The following RMDN2 variants were observed in gnomAD, a reference collection of about 807,000 sequenced individuals.
RMDN2 encodes the protein regulator of microtubule dynamics protein 2.
RMDN2 carries 61 observed loss-of-function variants against 52.8 expected under a neutral mutation model. The observed-to-expected ratio is 1.16, with a 90% CI of 0.94 to 1.43. The LOEUF is 1.43. RMDN2 is among the 40% of genes most tolerant of loss of function. The pLI, the probability that RMDN2 is intolerant of heterozygous loss-of-function variation, is 0.00. For missense variants in RMDN2, 592 were observed against 475.3 expected (o/e 1.25, Z -2.28); for synonymous variants, 180 against 153.1 (o/e 1.18, Z -1.30).
intron 10 of RMDN2, among the ~76,000 whole-genome samples, chr2:38,050,038 A>G (rs1681493378): frequency 6.6e-6 from 1 of 152,118 alleles, no homozygotes; most frequent in African/African-American, 2.4e-5. Context: ...TGAATTTGGG[A>G]CCTTATTTAT....
intron 2 of RMDN2, among the ~76,000 whole-genome samples, chr2:37,933,727 A>G (rs920565944): frequency 1.4e-4 from 21 of 152,198 alleles, no homozygotes; most frequent in African/African-American, 4.8e-4. Context: ...CAGCAGTACC[A>G]TCCAGCTTCG....
intron 10 of RMDN2, chr2:38,066,809 T>C: frequency 1.7e-6 from 1 of 594,028 alleles, no homozygotes; most frequent in Non-Finnish European, 3.1e-6. Flanking sequence ...CACTTATTCT[T>C]AACTGTCCTG....
chr2:38,005,391 A>G (rs1676937172), intron 10 of RMDN2, among the ~76,000 whole-genome samples: 6 of 152,148 alleles, frequency 3.9e-5, no homozygotes, highest in Admixed American at 2.0e-4. Context: ...AATGATTGCC[A>G]TTCTAACTGG....
chr2:37,975,266 T>A lies in RMDN2; in HGVS notation c.682T>A (p.Tyr228Asn). ...WRFARAYGDM[Y>N]ELSTNTQEKK... ...ATTTGCTCGTGCTTATGGAGACATG[T>A]ATGAACTATCTACAAACACACAAGA... Residue 228 changes from tyrosine to asparagine, a missense_variant, in exon 4 of 11, where the codon TAT (tyrosine) becomes AAT (asparagine). Coordinates refer to ENST00000354545, the MANE Select transcript of RMDN2 (RefSeq NM_001170791.3). 1 of 1,610,566 alleles carries A rather than the reference T, an allele frequency of 6.2e-7. No individual in the cohort carries two copies. The highest frequency in any genetic ancestry group is 8.5e-7 in the Non-Finnish European group (1 of 1,176,892).
chr2:37,946,614 A>G (rs1668242375), intron 2 of RMDN2, among the ~76,000 whole-genome samples: 1 of 152,182 alleles, frequency 6.6e-6, no homozygotes, highest in African/African-American at 2.4e-5. Flanking sequence ...TGGAGAGTAG[A>G]AGAGGGAATT....
intron 10 of RMDN2, among the ~76,000 whole-genome samples, chr2:38,056,114 C>G (rs1681846884): frequency 6.6e-6 from 1 of 152,196 alleles, no homozygotes; most frequent in Non-Finnish European, 1.5e-5. Flanking sequence ...TATTTTATTA[C>G]TGAGCACATA....
At chr2:38,022,553 T>C (rs1488204351), downstream of RMDN2, among the ~76,000 whole-genome samples, 1 of 152,212 alleles carries the variant, frequency 6.6e-6, no homozygotes, top group Non-Finnish European at 1.5e-5. Context: ...TGACCCAAAC[T>C]TTGAATATGC....
At chr2:37,931,812 C>G (rs1479339231) in intron 2 of RMDN2, among the ~76,000 whole-genome samples, 1 of 152,174 alleles carries the variant, frequency 6.6e-6, no homozygotes, top group Non-Finnish European at 1.5e-5. Context: ...CACGTCAAAA[C>G]TTCAAGACTG....
chr2:37,949,180 G>A (rs1040554562), intron 2 of RMDN2, among the ~76,000 whole-genome samples: 6 of 152,254 alleles, frequency 3.9e-5, no homozygotes, highest in African/African-American at 1.4e-4. Context: ...GGCTTCTTGT[G>A]CTCCCAGACA....
intron 1 of RMDN2, chr2:37,928,963 A>C: frequency 5.9e-6 from 1 of 170,830 alleles, no homozygotes; most frequent in Non-Finnish European, 1.2e-5. Context: ...TTCCATTTTT[A>C]TCTCTATTAT....
intron 2 of RMDN2, chr2:37,952,116 A>G (rs2124968559): frequency 1.2e-6 from 2 of 1,613,068 alleles, no homozygotes; most frequent in South Asian, 1.1e-5. Flanking sequence ...AAGCGAATTA[A>G]CTTCAGGCCT....
intron 10 of RMDN2, among the ~76,000 whole-genome samples, chr2:38,060,292 C>A (rs1378666491): frequency 6.6e-6 from 1 of 152,056 alleles, no homozygotes; most frequent in Non-Finnish European, 1.5e-5. Flanking sequence ...CCAGAGCTAT[C>A]TCTTGAAGTT....
At chr2:37,993,410 T>C (rs1675085540) in intron 7 of RMDN2, among the ~76,000 whole-genome samples, 1 of 152,036 alleles carries the variant, frequency 6.6e-6, no homozygotes, top group African/African-American at 2.4e-5. Flanking sequence ...TTCCAGCATA[T>C]GCAGACTAGA....
chr2:38,040,310 A>C lies in RMDN2; in HGVS notation c.1714-26672A>C, dbSNP rs374532063. Among the ~76,000 whole-genome samples, 58 of 152,230 alleles carry C rather than the reference A, an allele frequency of 3.8e-4. No homozygotes were observed. The South Asian group carries it at 0.011, about 30-fold the overall frequency. The stretch of plus-strand genomic sequence containing the variant: ...TTTTTGCTATGGTCTGCATGTTGGC[A>C]TCCTCCTAAAATTCACATGCTGGAA... On this transcript the variant is annotated intron_variant, in intron 10 of 10. Transcript: ENST00000234195.
At chr2:37,948,196 G>A (rs1314240922) in intron 2 of RMDN2, among the ~76,000 whole-genome samples, 1 of 152,210 alleles carries the variant, frequency 6.6e-6, no homozygotes, top group African/African-American at 2.4e-5. Context: ...GAATCAGAAT[G>A]TCTGGGAGCA....
At chr2:37,991,442 A>G in intron 7 of RMDN2, 145 bp downstream of exon 7, 2 of 321,864 alleles carry the variant, frequency 6.2e-6, no homozygotes. Flanking sequence ...TTAATGTATA[A>G]TATATATGTT....
At chr2:37,968,605 T>G (rs542890162) in intron 2 of RMDN2, among the ~76,000 whole-genome samples, 1 of 152,346 alleles carries the variant, frequency 6.6e-6, no homozygotes, top group East Asian at 1.9e-4. Flanking sequence ...AATGCAACTC[T>G]GCTTTCAGAG....
At chr2:38,014,212 CA>C (rs879467857) in intron 10 of RMDN2, among the ~76,000 whole-genome samples, 5 of 147,428 alleles carry the variant, frequency 3.4e-5, no homozygotes, top group Middle Eastern at 3.5e-3. Flanking sequence ...AACTCCGTCG[CA>C]AAAAAAAAAT....
intron 10 of RMDN2, among the ~76,000 whole-genome samples, chr2:38,040,655 A>G (rs547635949): frequency 1.2e-4 from 19 of 152,308 alleles, no homozygotes; most frequent in Non-Finnish European, 1.5e-5. Context: ...GAAGTCAGGT[A>G]ATTTTAGTTC....
Sources: allele counts gnomAD v4.1 joint callset (sites outside exome capture counted in the v4.1 genomes callset), GRCh38; gene constraint gnomAD v4.1.1; transcripts MANE v1.5; gene names NCBI Gene and HGNC (gene_info 2026-07-23, HGNC 2026-07-21).